COP1: variants seen among roughly 807,000 people sequenced by gnomAD.
COP1 encodes COP1 E3 ubiquitin ligase.
A neutral mutation model predicts 101.3 loss-of-function variants in COP1; 24 were observed. That is an observed-to-expected ratio of 0.24 (90% CI 0.17 to 0.33). The LOEUF (loss-of-function observed/expected upper bound fraction) is 0.33. Among genes scored for constraint, COP1 ranks in the 10% least tolerant of loss-of-function variants. The pLI is 1.00. For synonymous variants in COP1, 347 were observed against 341.9 expected (o/e 1.01, Z -0.17); for missense variants, 663 against 906.2 (o/e 0.73, Z 3.45).
At chr1:176,004,643 C>A (rs941467780) in intron 15 of COP1, among the ~76,000 whole-genome samples, 3 of 151,710 alleles carry the variant, frequency 2.0e-5, no homozygotes, top group Non-Finnish European at 4.4e-5. Context: ...TGTTTATATG[C>A]TGGATTACAT....
At chr1:176,116,322 A>C (rs1686174892) in intron 9 of COP1, among the ~76,000 whole-genome samples, 1 of 152,210 alleles carries the variant, frequency 6.6e-6, no homozygotes, top group South Asian at 2.1e-4. Flanking sequence ...TCAAGGCTAC[A>C]GCATTCCAGC....
intron 9 of COP1, among the ~76,000 whole-genome samples, chr1:176,111,587 C>T (rs952734712): frequency 6.6e-6 from 1 of 152,302 alleles, no homozygotes; most frequent in Non-Finnish European, 1.5e-5. Context: ...GCCACCACAC[C>T]CAGCCCCTAA....
chr1:176,166,115 GTATTTATTTATTT>G (rs1695106357), intron 3 of COP1, among the ~76,000 whole-genome samples: 1 of 152,024 alleles, frequency 6.6e-6, no homozygotes, highest in South Asian at 2.1e-4. Flanking sequence ...GATCAAGCCT[GTATTTATTTATTT>G]TATTTATTTA....
intron 6 of COP1, among the ~76,000 whole-genome samples, chr1:176,146,922 T>A (rs1691663004): frequency 6.6e-6 from 1 of 152,214 alleles, no homozygotes; most frequent in Non-Finnish European, 1.5e-5. Context: ...TAGCCAGTTG[T>A]GACAGTGGAA....
chr1:176,163,303 T>C (rs938918202), intron 4 of COP1, among the ~76,000 whole-genome samples: 5 of 152,226 alleles, frequency 3.3e-5, no homozygotes, highest in African/African-American at 4.8e-5. Context: ...CAATTTTGCA[T>C]GTAGTAAGGT....
At chr1:176,007,298 C>T (rs1351791934) in intron 15 of COP1, among the ~76,000 whole-genome samples, 2 of 152,074 alleles carry the variant, frequency 1.3e-5, no homozygotes, top group African/African-American at 2.4e-5. Flanking sequence ...CATGTCCTCC[C>T]GTAGCTCAGA....
At chr1:176,031,814 G>C (rs1668691295) in intron 14 of COP1, among the ~76,000 whole-genome samples, 1 of 152,032 alleles carries the variant, frequency 6.6e-6, no homozygotes, top group African/African-American at 2.4e-5. Context: ...TTGAAATCCT[G>C]AATCTTAAAA....
chr1:176,054,586 T>C (rs926575874), intron 11 of COP1, among the ~76,000 whole-genome samples: 2 of 152,220 alleles, frequency 1.3e-5, no homozygotes, highest in African/African-American at 4.8e-5. Flanking sequence ...TGATATATTC[T>C]GTGGTCTTTC....
At chr1:176,145,659 C>A (rs1452261518) in intron 6 of COP1, among the ~76,000 whole-genome samples, 2 of 152,030 alleles carry the variant, frequency 1.3e-5, no homozygotes, top group Non-Finnish European at 2.9e-5. Context: ...TATACAACAA[C>A]AAAAATCAAC....
intron 8 of COP1, among the ~76,000 whole-genome samples, chr1:176,124,770 T>C (rs920714078): frequency 1.3e-5 from 2 of 152,198 alleles, no homozygotes; most frequent in African/African-American, 4.8e-5. Context: ...GTTTCCTTTC[T>C]TTTGGATATA....
At chr1:176,014,948 A>G (rs950648273) in intron 15 of COP1, among the ~76,000 whole-genome samples, 1 of 152,218 alleles carries the variant, frequency 6.6e-6, no homozygotes, top group Non-Finnish European at 1.5e-5. Context: ...TTAAAGTCAG[A>G]CAAAAACAAT....
chr1:176,008,931 C>A (rs999095421), intron 15 of COP1, among the ~76,000 whole-genome samples: 3 of 152,152 alleles, frequency 2.0e-5, no homozygotes, highest in Non-Finnish European at 4.4e-5. Flanking sequence ...TAATGCTTTG[C>A]ACGATTTGTG....
In COP1 at chr1:176,003,493, G is replaced by T. The variant is rs369179905; in HGVS notation, c.1730-14014C>A. On this transcript the variant is annotated intron_variant, in intron 15 of 19. Coordinates refer to ENST00000367669, the MANE Select transcript of COP1 (RefSeq NM_022457.7). Reference sequence around the variant, plus strand: ...GTTTTTATGGTTTTAGGTCTAACATGTAAGTCTTTAATCCATCTTGAATTG... The same window carrying T: ...GTTTTTATGGTTTTAGGTCTAACATTTAAGTCTTTAATCCATCTTGAATTG... Among the ~76,000 whole-genome samples the T allele has an allele frequency of 8.1e-3, 1,168 of 144,886 alleles. 9 individuals are homozygous for T. Among genetic ancestry groups the T allele is most frequent in the East Asian group, 0.031 (153 of 4,982 alleles).
At chr1:176,174,136 G>A (rs1309311128) in intron 3 of COP1, among the ~76,000 whole-genome samples, 1 of 151,866 alleles carries the variant, frequency 6.6e-6, no homozygotes, top group Non-Finnish European at 1.5e-5. Context: ...TCAAACTTGT[G>A]AACTAAGGAA....
intron 3 of COP1, chr1:176,168,731 GC>G: frequency 5.7e-6 from 2 of 353,360 alleles, no homozygotes; most frequent in Admixed American, 3.3e-5. Flanking sequence ...GCAGAGAGGA[GC>G]AGACAGAGTA....
rs2148723496 is a variant in COP1, at chr1:175,986,943, C to G, written c.2133G>C (p.Gly711=). The G allele has an allele frequency of 1.8e-5, 28 of 1,582,368 alleles. No individual in the cohort carries two copies. The highest frequency in any genetic ancestry group is 2.3e-5 in the Non-Finnish European group (27 of 1,169,170). The stretch of plus-strand genomic sequence containing the variant: ...TGAAAAAACTGATATGAAAACTTAC[C>G]CCATCTGGTAGTGCCCTCCAGCACA... The part of the protein sequence containing the change: ...SAVCWRALPD[G]ESNVLIAANS... Residue 711 remains glycine, a splice_region_variant and synonymous_variant, in exon 18 of 20, where the codon GGG becomes GGC. Transcript: ENST00000367669.
At chr1:176,040,622 A>C (rs1385116941) in intron 14 of COP1, among the ~76,000 whole-genome samples, 1 of 152,140 alleles carries the variant, frequency 6.6e-6, no homozygotes, top group African/African-American at 2.4e-5. Context: ...CGAGTTCTTA[A>C]ATCAAGGAAA....
chr1:176,085,363 T>C (rs984124548), intron 10 of COP1, among the ~76,000 whole-genome samples: 3 of 152,178 alleles, frequency 2.0e-5, no homozygotes, highest in South Asian at 2.1e-4. Flanking sequence ...TGTTTATCTG[T>C]TGCTTTCCCT....
At chr1:176,019,194 G>A (rs1666227215) in intron 15 of COP1, among the ~76,000 whole-genome samples, 1 of 150,574 alleles carries the variant, frequency 6.6e-6, no homozygotes, top group African/African-American at 2.4e-5. Context: ...GCCGGGTGTG[G>A]TGGTTCACAC....
Sources: gnomAD v4.1 joint callset for allele counts (sites outside exome capture counted in the v4.1 genomes callset) on GRCh38, gnomAD v4.1.1 for gene constraint, MANE v1.5 for transcripts, NCBI Gene and HGNC (gene_info 2026-07-23, HGNC 2026-07-21) for gene names.